ZFHX3: variants seen among roughly 807,000 people sequenced by gnomAD.
ZFHX3 encodes zinc finger homeobox 3, also known as zinc finger homeobox protein 3.
ZFHX3 carries 42 observed loss-of-function variants against 279.1 expected under a neutral mutation model. The observed-to-expected ratio is 0.15, with a 90% confidence interval of 0.12 to 0.19. The LOEUF is 0.19. Among genes scored for constraint, ZFHX3 ranks in the 10% least tolerant of loss-of-function variants. The pLI, the probability that ZFHX3 is intolerant of heterozygous loss-of-function variation, is 1.00. For synonymous variants in ZFHX3, 2,293 were observed against 1,957.8 expected (o/e 1.17, Z -4.52); for missense variants, 4,981 against 4,754.0 (o/e 1.05, Z -1.40).
At chr16:73,156,586 C>T (rs1462484787) in intron 5 of ZFHX3, among the ~76,000 whole-genome samples, 4 of 152,174 alleles carry the variant, frequency 2.6e-5, no homozygotes, top group South Asian at 2.1e-4. Context: ...GACAGGGTCT[C>T]ACTCTGTCAC....
intron 8 of ZFHX3, among the ~76,000 whole-genome samples, chr16:73,064,716 TAC>T (rs1371222070): frequency 1.3e-5 from 2 of 152,176 alleles, no homozygotes; most frequent in Non-Finnish European, 2.9e-5. Flanking sequence ...TCATTTTGAA[TAC>T]ATGGCGCATT....
chr16:73,789,088 C>T (rs8048941), intron 1 of ZFHX3, among the ~76,000 whole-genome samples: 62,728 of 150,224 alleles, frequency 0.42, 14,226 homozygotes, highest in African/African-American at 0.6. Context: ...TATAAATAGA[C>T]AACATATACA....
chr16:73,734,942 C>T (rs1005737409), intron 1 of ZFHX3, among the ~76,000 whole-genome samples: 5 of 151,866 alleles, frequency 3.3e-5, no homozygotes, highest in African/African-American at 1.2e-4. Flanking sequence ...TTTTATTTTC[C>T]AGGAGGAATG....
intron 1 of ZFHX3, among the ~76,000 whole-genome samples, chr16:73,778,905 C>G (rs1959354554): frequency 6.6e-6 from 1 of 152,226 alleles, no homozygotes. Flanking sequence ...AGGAATTGTT[C>G]TTCTGTGGAA....
In ZFHX3 at chr16:72,958,184, C is replaced by T. The variant is rs761002113; in HGVS notation, c.1962G>A (p.Ser654=). ...GCATCATGGTCATGTGGCCGCCCAG[C>T]GAGCGGGAGGAGCCCAGGACCGTGT... The part of the protein sequence containing the change: ...KCDTVLGSSR[S]LGGHMTMMHS... Residue 654 remains serine, a synonymous_variant, in exon 2 of 10, where the codon TCG becomes TCA. Transcript: ENST00000268489. 15 of 1,613,386 alleles carry T rather than the reference C, an allele frequency of 9.3e-6. No individual in the cohort carries two copies. The highest frequency in any genetic ancestry group is 6.7e-5 in the African/African-American group (5 of 75,030).
intron 3 of ZFHX3, chr16:73,402,103 A>G (rs971081721): frequency 6.6e-6 from 1 of 152,212 alleles, no homozygotes; most frequent in Middle Eastern, 3.4e-3. Flanking sequence ...GTAAAATATG[A>G]TTTTTTTCCC....
chr16:73,235,234 A>T (rs1567425910), intron 5 of ZFHX3, among the ~76,000 whole-genome samples: 1 of 151,758 alleles, frequency 6.6e-6, no homozygotes, highest in Non-Finnish European at 1.5e-5. Context: ...CACGCCTGGC[A>T]AATCTTTTGT....
intron 1 of ZFHX3, among the ~76,000 whole-genome samples, chr16:73,810,614 A>G (rs1960400686): frequency 6.6e-6 from 1 of 152,188 alleles, no homozygotes; most frequent in African/African-American, 2.4e-5. Flanking sequence ...AACCCTATAA[A>G]TTATGGCATT....
At chr16:73,150,096 T>C (rs894161736) in intron 5 of ZFHX3, among the ~76,000 whole-genome samples, 3 of 152,172 alleles carry the variant, frequency 2.0e-5, no homozygotes, top group Non-Finnish European at 2.9e-5. Flanking sequence ...AGTTACATTT[T>C]CCACCACTGT....
In ZFHX3 at chr16:73,234,359, G is replaced by A. The variant is rs117594929; in HGVS notation, c.-1104+22688C>T. Among the ~76,000 whole-genome samples, 78 of 152,268 alleles carry A rather than the reference G, an allele frequency of 5.1e-4. No individual in the cohort carries two copies. In the East Asian group the frequency reaches 0.014, roughly 28 times the overall value. On this transcript the variant is annotated intron_variant, in intron 5 of 17. Coordinates refer to the ZFHX3 transcript ENST00000641206. Reference sequence around the variant, plus strand: ...ATGGCTGTCTCCTCTCTCTAAAGCCGGCACAGCCATGCGCGCCAGCCACTT... The same window carrying A: ...ATGGCTGTCTCCTCTCTCTAAAGCCAGCACAGCCATGCGCGCCAGCCACTT...
chr16:73,880,870 C>T (rs1030302227), intron 1 of ZFHX3, among the ~76,000 whole-genome samples: 5 of 152,090 alleles, frequency 3.3e-5, no homozygotes, highest in African/African-American at 4.8e-5. Context: ...AAAATGTAAA[C>T]GACATGTCTC....
chr16:72,871,334 C>T (rs541912334), intron 4 of ZFHX3, among the ~76,000 whole-genome samples: 103 of 151,036 alleles, frequency 6.8e-4, no homozygotes, highest in Admixed American at 6.8e-3. Flanking sequence ...TGCCACCATG[C>T]CCGGCTAATT....
intron 2 of ZFHX3, among the ~76,000 whole-genome samples, chr16:73,668,115 C>G (rs932529365): frequency 6.6e-6 from 1 of 152,158 alleles, no homozygotes; most frequent in Non-Finnish European, 1.5e-5. Flanking sequence ...CTGGACCACC[C>G]TCTAAGCCAG....
At chr16:73,439,043 C>T (rs2018042257) in intron 3 of ZFHX3, among the ~76,000 whole-genome samples, 2 of 152,210 alleles carry the variant, frequency 1.3e-5, no homozygotes, top group African/African-American at 2.4e-5. Context: ...CTGTCTCAGA[C>T]CATCACAGGA....
At chr16:73,479,104 G>T (rs927853413) in intron 2 of ZFHX3, among the ~76,000 whole-genome samples, 1 of 152,104 alleles carries the variant, frequency 6.6e-6, no homozygotes, top group African/African-American at 2.4e-5. Flanking sequence ...GTAAAAGACT[G>T]TGCTAGAGCC....
chr16:73,402,697 G>A (rs1044132889), intron 3 of ZFHX3, among the ~76,000 whole-genome samples: 3 of 152,118 alleles, frequency 2.0e-5, no homozygotes, highest in African/African-American at 7.2e-5. Flanking sequence ...TCAATCCAAT[G>A]TTTTAATACC....
At chr16:73,732,103 G>C (rs1198191975) in intron 1 of ZFHX3, among the ~76,000 whole-genome samples, 1 of 152,118 alleles carries the variant, frequency 6.6e-6, no homozygotes, top group African/African-American at 2.4e-5. Flanking sequence ...TACCAATTAA[G>C]CCAGTGTAAA....
chr16:73,409,450 C>G (rs1042695308), intron 3 of ZFHX3, among the ~76,000 whole-genome samples: 1 of 152,104 alleles, frequency 6.6e-6, no homozygotes, highest in Admixed American at 6.5e-5. Context: ...CAGCTTTTAT[C>G]CAAAAGACAG....
At chr16:73,037,378 A>G (rs1426947409) in intron 1 of ZFHX3, among the ~76,000 whole-genome samples, 2 of 152,210 alleles carry the variant, frequency 1.3e-5, no homozygotes, top group Non-Finnish European at 2.9e-5. Flanking sequence ...ACTGAGTGAC[A>G]TAAGATCCCA....
Sources: gnomAD v4.1 joint callset for allele counts (sites outside exome capture counted in the v4.1 genomes callset) on GRCh38, gnomAD v4.1.1 for gene constraint, MANE v1.5 for transcripts, NCBI Gene and HGNC (gene_info 2026-07-23, HGNC 2026-07-21) for gene names.